DSP: variants seen among roughly 807,000 people sequenced by gnomAD.
DSP encodes the protein desmoplakin.
In DSP, 114 loss-of-function variants were observed where a neutral mutation model predicts 290.6. The observed-to-expected ratio is 0.39, with a 90% CI of 0.34 to 0.46. The LOEUF is 0.46. Ranked by LOEUF, DSP falls within the 20% of genes least tolerant of loss-of-function variation. The probability of loss-of-function intolerance (pLI) is 0.99; values close to 1 mark genes in which losing one functional copy is unlikely to be tolerated. For synonymous variants in DSP, 1,311 were observed against 1,316.4 expected (o/e 1.00, Z 0.09); for missense variants, 3,230 against 3,495.8 (o/e 0.92, Z 1.92).
chr6:7,580,156 C>G lies in DSP; in HGVS notation c.3966C>G (p.Asp1322Glu). 6.2e-7 allele frequency: 1 copy of G among 1,613,746 alleles called. No homozygotes were observed. The highest frequency in any genetic ancestry group is 8.5e-7 in the Non-Finnish European group (1 of 1,179,944). ...AGGAGGCTGCCAAGACCATTCAGGACAAAAATAAGGAGATCGAGAGACTCA... is the reference window on the plus strand; with the variant it reads ...AGGAGGCTGCCAAGACCATTCAGGAGAAAAATAAGGAGATCGAGAGACTCA... ...SLEEAAKTIQ[D>E]KNKEIERLKA... The change falls in exon 23 of 24, where the codon GAC becomes GAG. Residue 1322 changes from aspartate (D) to glutamate (E), a missense_variant. This residue lies in a region of DSP where 1,714 missense variants were observed against 1,844.5 expected (regional missense o/e 0.93). Coordinates refer to ENST00000379802, the MANE Select transcript of DSP (RefSeq NM_004415.4). The surrounding 1 kb of genome is among the most constrained non-coding windows in gnomAD (Gnocchi z 4.2).
chr6:7,568,711 A>G (rs1382645177), intron 11 of DSP, 122 bp downstream of exon 11: 1 of 1,112,832 alleles, frequency 9.0e-7, no homozygotes, highest in East Asian at 2.4e-5. Flanking sequence ...TCTTTGATCT[A>G]TGAAATCAGC....
chr6:7,547,872 C>G (rs374553042), intron 1 of DSP, among the ~76,000 whole-genome samples: 6 of 152,196 alleles, frequency 3.9e-5, no homozygotes, highest in East Asian at 1.9e-4. Context: ...AATACCCAAT[C>G]CATTTCTTCC....
Position 7,569,247 on chromosome 6 carries a change from A to T in DSP, c.1481A>T (p.Tyr494Phe), listed in dbSNP as rs28763961. 8,479 of 1,614,238 alleles carry T rather than the reference A, an allele frequency of 5.3e-3. 272 individuals carry two copies. The East Asian group carries it at 0.085, about 16-fold the overall frequency. The change falls in exon 12 of 24, where the codon TAC (tyrosine) becomes TTC (phenylalanine). Residue 494 changes from tyrosine (Y) to phenylalanine (F), a missense_variant. By Grantham distance (22) the Tyr-to-Phe change is conservative. Coordinates refer to ENST00000379802, the MANE Select transcript of DSP (RefSeq NM_004415.4). ...GACAACAACGAGCGCAGCAAGTGGTACGTGACGGGCCCGGGAGGCGTTGAC... is the reference window on the plus strand; with the variant it reads ...GACAACAACGAGCGCAGCAAGTGGTTCGTGACGGGCCCGGGAGGCGTTGAC... ...LKDNNERSKW[Y>F]VTGPGGVDML...
Position 7,580,813 on chromosome 6 carries a change from C to T in DSP, c.4623C>T (p.Asp1541=), listed in dbSNP as rs1554108349. The stretch of plus-strand genomic sequence containing the variant: ...AAGAACTGACACGCCTGAGGATCGA[C>T]TATGAAAGGGTTTCCCAGGAGAGGA... ...QEQELTRLRI[D]YERVSQERTV... Residue 1541 remains aspartate, a synonymous_variant, in exon 23 of 24, where the codon GAC becomes GAT. Coordinates refer to ENST00000379802, the MANE Select transcript of DSP (RefSeq NM_004415.4). The surrounding 1 kb of genome is among the most constrained non-coding windows in gnomAD (Gnocchi z 4.2). 4 of 1,614,130 alleles carry T rather than the reference C, an allele frequency of 2.5e-6. No homozygotes were observed. Among genetic ancestry groups the T allele is most frequent in the Non-Finnish European group, 2.5e-6 (3 of 1,180,036 alleles).
chr6:7,563,514 CT>C, intron 5 of DSP, among the ~76,000 whole-genome samples: 1 of 152,262 alleles, frequency 6.6e-6, no homozygotes, highest in Admixed American at 6.5e-5. Context: ...CTGATCTGGG[CT>C]TTCCTTTGTG....
At chr6:7,562,566 GAAGTA>G in intron 4 of DSP, 81 bp from the exon 5 acceptor site, 1 of 1,602,134 alleles carries the variant, frequency 6.2e-7, no homozygotes, top group Admixed American at 1.7e-5. Flanking sequence ...GGTTCTATCT[GAAGTA>G]AAGCCGTGAT....
In DSP at chr6:7,541,943, C is replaced by T. The variant is rs1757990366; in HGVS notation, c.28C>T (p.Arg10Trp). 1 of 1,607,500 alleles carries T rather than the reference C, an allele frequency of 6.2e-7. No individual in the cohort carries two copies. Among genetic ancestry groups the T allele is most frequent in the Non-Finnish European group, 8.5e-7 (1 of 1,178,054 alleles). MSCNGGSHPRINTLGRMIRA... is the reference protein window; with the variant it reads MSCNGGSHPWINTLGRMIRA... Reference sequence around the variant, plus strand: ...GAGCTGCAACGGAGGCTCCCACCCGCGGATCAACACTCTGGGCCGCATGAT... The same window carrying T: ...GAGCTGCAACGGAGGCTCCCACCCGTGGATCAACACTCTGGGCCGCATGAT... The change falls in exon 1 of 24, where the codon CGG becomes TGG. Residue 10 changes from arginine to tryptophan, a missense_variant. Transcript: ENST00000379802.
At chr6:7,576,018 T>A (rs1286328138) in intron 18 of DSP, among the ~76,000 whole-genome samples, 1 of 152,216 alleles carries the variant, frequency 6.6e-6, no homozygotes, top group Non-Finnish European at 1.5e-5. Flanking sequence ...TTTCAGTACA[T>A]CATTTTCTAT....
intron 3 of DSP, among the ~76,000 whole-genome samples, 184 bp from the exon 4 acceptor site, chr6:7,559,042 G>C (rs1758591662): frequency 6.6e-6 from 1 of 152,004 alleles, no homozygotes; most frequent in Non-Finnish European, 1.5e-5. Flanking sequence ...CTCTTCCTAA[G>C]ATTTAATTTT....
At chr6:7,566,523 ACTTTT>A in intron 8 of DSP, 42 bp downstream of exon 8, 1 of 1,519,658 alleles carries the variant, frequency 6.6e-7, no homozygotes, top group Non-Finnish European at 9.1e-7. Context: ...AAAAAAAAAA[ACTTTT>A]CATAAAGTAA....
chr6:7,582,682 A>G lies in DSP; in HGVS notation c.5420A>G (p.Gln1807Arg). 2 of 1,613,880 alleles carry G rather than the reference A, an allele frequency of 1.2e-6. No individual in the cohort carries two copies. Among genetic ancestry groups the G allele is most frequent in the East Asian group, 4.5e-5 (2 of 44,872 alleles). ...CAGGAATCAAAGAATCAGTGTACTC[A>G]GGTGGTACAGGAAAGAGAGAGCCTT... ...RIQESKNQCT[Q>R]VVQERESLLV... Residue 1807 changes from glutamine (Q) to arginine (R), a missense_variant, in exon 24 of 24, where the codon CAG (glutamine) becomes CGG (arginine). Gln to Arg is a conservative substitution (Grantham distance 43). Coordinates refer to ENST00000379802, the MANE Select transcript of DSP (RefSeq NM_004415.4). This position sits in a 1 kb window ranked among gnomAD's most constrained non-coding sequence, Gnocchi z 4.2.
In DSP at chr6:7,582,025, G is replaced by A. The variant is rs1023901816; in HGVS notation, c.5379+456G>A. ...TTTTTGCATGGATTATTTAGTGTTCGCTTTTGATCATGGCCCTAGTGTGTT... is the reference window on the plus strand; with the variant it reads ...TTTTTGCATGGATTATTTAGTGTTCACTTTTGATCATGGCCCTAGTGTGTT... On this transcript the variant is annotated intron_variant, in intron 23 of 23. Transcript: ENST00000379802. The surrounding 1 kb of genome is among the most constrained non-coding windows in gnomAD (Gnocchi z 4.2). Among the ~76,000 whole-genome samples, 2 of 151,520 alleles carry A rather than the reference G, an allele frequency of 1.3e-5. No individual in the cohort carries two copies. Among genetic ancestry groups the A allele is most frequent in the Admixed American group, 1.3e-4 (2 of 15,226 alleles).
At chr6:7,560,591 A>G (rs139579924) in intron 4 of DSP, among the ~76,000 whole-genome samples, 3,607 of 152,338 alleles carry the variant, frequency 0.024, 58 homozygotes, top group Non-Finnish European at 0.038. Flanking sequence ...CGAAGAAAAC[A>G]AGATGCATAC....
rs1064795084 is a variant in DSP, at chr6:7,567,445, T to C, written c.1136T>C (p.Phe379Ser). The change falls in exon 9 of 24, where the codon TTT (phenylalanine) becomes TCT (serine). Residue 379 changes from phenylalanine to serine, a missense_variant. Phe to Ser is a radical substitution (Grantham distance 155, BLOSUM62 -2). This residue lies in a region of DSP where 646 missense variants were observed against 684.3 expected (regional missense o/e 0.94). Transcript: ENST00000379802. ...CATCTGAAAGAAAATGCTGCCTACTTTCAGGTTTTTATATTTAGTGATAAT... is the reference window on the plus strand; with the variant it reads ...CATCTGAAAGAAAATGCTGCCTACTCTCAGGTTTTTATATTTAGTGATAAT... ...DVHLKENAAY[F>S]QFFEEAQSTE... is the part of the protein sequence containing the mutation. The C allele has an allele frequency of 1.7e-5, 27 of 1,613,324 alleles. No individual in the cohort carries two copies. Among genetic ancestry groups the C allele is most frequent in the Non-Finnish European group, 2.3e-5 (27 of 1,179,628 alleles).
chr6:7,585,112 G>A lies in DSP; in HGVS notation c.7850G>A (p.Ser2617Asn), dbSNP rs766739838. The A allele has an allele frequency of 6.2e-7, 1 of 1,614,134 alleles. No individual in the cohort carries two copies. Among genetic ancestry groups the A allele is most frequent in the Non-Finnish European group, 8.5e-7 (1 of 1,180,034 alleles). Reference protein sequence around the residue: ...SSFSDTLEESSPIAAIFDTEN... With the variant: ...SSFSDTLEESNPIAAIFDTEN... ...TTTTCAGACACCCTGGAAGAATCGA[G>A]CCCCATTGCAGCCATCTTTGACACA... The change falls in exon 24 of 24, where the codon AGC becomes AAC. Residue 2617 changes from serine to asparagine, a missense_variant. Ser to Asn is a conservative substitution (Grantham distance 46). Around this residue, in one of 5 missense-constraint regions of DSP, gnomAD observed 582 missense variants for 555.4 expected, o/e 1.05. Transcript: ENST00000379802.
intron 20 of DSP, among the ~76,000 whole-genome samples, chr6:7,577,556 G>A (rs775722767): frequency 2.6e-5 from 4 of 152,132 alleles, no homozygotes; most frequent in East Asian, 1.9e-4. Flanking sequence ...TTGAACTCCC[G>A]ATCTCAGGGG....
chr6:7,567,238 A>T, intron 8 of DSP, 116 bp from the exon 9 acceptor site: 1 of 839,536 alleles, frequency 1.2e-6, no homozygotes, highest in Non-Finnish European at 2.0e-6. Flanking sequence ...TATCTGCTTG[A>T]CTTAGAATGA....
chr6:7,544,556 CA>C (rs1217147830), intron 1 of DSP, among the ~76,000 whole-genome samples: 1 of 148,556 alleles, frequency 6.7e-6, no homozygotes, highest in Non-Finnish European at 1.5e-5. Context: ...TCATTTATTT[CA>C]AAAACTGCTA....
chr6:7,559,364 C>T lies in DSP; in HGVS notation c.561C>T (p.Val187=), dbSNP rs199585428. The T allele has an allele frequency of 4.5e-5, 72 of 1,613,136 alleles. No individual in the cohort carries two copies. The highest frequency in any genetic ancestry group is 5.8e-5 in the Non-Finnish European group (68 of 1,180,040). The change falls in exon 4 of 24, where the codon GTC becomes GTT. Residue 187 remains valine (V), a synonymous_variant. Coordinates refer to ENST00000379802, the MANE Select transcript of DSP (RefSeq NM_004415.4). ...GCTGGGATGAGTTCACCAAACATGT[C>T]ACCAGTGAATGTTTGGGGTGGATGA... The part of the protein sequence containing the change: ...GSGWDEFTKH[V]TSECLGWMRQ...
Sources: allele counts gnomAD v4.1 joint callset (sites outside exome capture counted in the v4.1 genomes callset), GRCh38; gene constraint gnomAD v4.1.1; regional missense constraint gnomAD v4.1.1; non-coding constraint Gnocchi (gnomAD v3.1); transcripts MANE v1.5; gene names NCBI Gene and HGNC (gene_info 2026-07-23, HGNC 2026-07-21).